ERCC3: variants seen among roughly 807,000 people sequenced by gnomAD.
ERCC3 encodes general transcription and DNA repair factor IIH helicase/translocase subunit XPB.
ERCC3 carries 66 observed loss-of-function variants against 94.2 expected under a neutral mutation model. That is an observed-to-expected ratio of 0.70 (90% confidence interval 0.57 to 0.86). ERCC3 has a LOEUF of 0.86. Among genes scored for constraint, ERCC3 ranks in the 40% least tolerant of loss-of-function variants. The probability of loss-of-function intolerance (pLI) is 0.00; values close to 1 mark genes in which losing one functional copy is unlikely to be tolerated. For synonymous variants in ERCC3, 349 were observed against 369.1 expected (o/e 0.95, Z 0.63); for missense variants, 829 against 987.1 (o/e 0.84, Z 2.15).
At chr2:127,272,488 G>C (rs1338854613) in intron 11 of ERCC3, among the ~76,000 whole-genome samples, 1 of 152,104 alleles carries the variant, frequency 6.6e-6, no homozygotes, top group East Asian at 1.9e-4. Flanking sequence ...CCAGGAACCA[G>C]GACAAAGGCT....
intron 10 of ERCC3, among the ~76,000 whole-genome samples, chr2:127,278,323 A>T (rs1210525158): frequency 6.6e-6 from 1 of 152,190 alleles, no homozygotes; most frequent in Non-Finnish European, 1.5e-5. Context: ...TCTTCAAGGA[A>T]TAGAATTGTG....
chr2:127,294,134 G>A lies in ERCC3; in HGVS notation c.-53C>T, dbSNP rs1685385993. The A allele has an allele frequency of 1.9e-6, 3 of 1,591,220 alleles. No individual in the cohort carries two copies. The highest frequency in any genetic ancestry group is 1.7e-5 in the Admixed American group (1 of 58,986). Reference sequence around the variant, plus strand: ...ACCCCGCTCCCACAGGCCCGCCGCGGCATCCGCTCTGGGGGGACTTCCGGC... The same window carrying A: ...ACCCCGCTCCCACAGGCCCGCCGCGACATCCGCTCTGGGGGGACTTCCGGC... On this transcript the variant is annotated 5_prime_UTR_variant, in exon 1 of 15. Coordinates refer to ENST00000285398, the MANE Select transcript of ERCC3 (RefSeq NM_000122.2).
chr2:127,293,868 A>G, intron 1 of ERCC3, 150 bp from the exon 2 acceptor site: 2 of 1,545,606 alleles, frequency 1.3e-6, no homozygotes, highest in Middle Eastern at 2.1e-4. Context: ...CGTCTCCCCT[A>G]GGCCGAGTTC....
chr2:127,265,800 CTGATT>C, intron 12 of ERCC3, among the ~76,000 whole-genome samples: 1 of 152,220 alleles, frequency 6.6e-6, no homozygotes, highest in East Asian at 1.9e-4. Context: ...TAGTTCTGCT[CTGATT>C]TTAGTTATTT....
chr2:127,261,368 G>A (rs371969663), intron 12 of ERCC3, 22 bp from the exon 13 acceptor site: 198 of 1,411,470 alleles, frequency 1.4e-4, no homozygotes, highest in Middle Eastern at 3.5e-4. Context: ...AATGAGAAAC[G>A]GCAATAAAGA....
At position 127,257,795 on chromosome 2, in the gene ERCC3, T is replaced by A. The variant is rs1684065352; in HGVS notation, c.2218-68A>T. ...AAAGATACTCCTTTTATAATACTTA[T>A]AATCACAGCAAATTTTATAAGACTT... On this transcript the variant is annotated intron_variant, in intron 14 of 14. Coordinates refer to ENST00000285398, the MANE Select transcript of ERCC3 (RefSeq NM_000122.2). The surrounding 1 kb of genome is among the most constrained non-coding windows in gnomAD (Gnocchi z 5.4). 6.5e-7 allele frequency: 1 copy of A among 1,536,700 alleles called. No individual in the cohort carries two copies. Among genetic ancestry groups the A allele is most frequent in the South Asian group, 1.1e-5 (1 of 89,046 alleles).
chr2:127,275,071 T>G (rs961712819), intron 10 of ERCC3, among the ~76,000 whole-genome samples: 2 of 152,192 alleles, frequency 1.3e-5, no homozygotes, highest in African/African-American at 4.8e-5. Flanking sequence ...CATATAACCC[T>G]AAGCCTCTCT....
intron 10 of ERCC3, among the ~76,000 whole-genome samples, chr2:127,275,250 G>C (rs1684696917): frequency 6.6e-6 from 1 of 151,954 alleles, no homozygotes; most frequent in Non-Finnish European, 1.5e-5. Context: ...AGCTGGACTT[G>C]AACTCCTGGG....
rs1388629095 is a variant in ERCC3 at position 127,284,700 on chromosome 2, G to C, written c.1342+2003C>G. ...CTGTTCATCTTTATTTTTTTTTTTT[G>C]AGACAGAGTCTCACACTCTGTCACC... On this transcript the variant is annotated intron_variant, in intron 8 of 14. Coordinates refer to ENST00000285398, the MANE Select transcript of ERCC3 (RefSeq NM_000122.2). The surrounding 1 kb of genome is among the most constrained non-coding windows in gnomAD (Gnocchi z 4.1). 9.1e-6 allele frequency among the ~76,000 whole-genome samples: 1 copy of C among 109,416 alleles called. No individual in the cohort carries two copies. The highest frequency in any genetic ancestry group is 1.9e-5 in the Non-Finnish European group (1 of 52,748). The allele number at this position is 109,416 out of a possible 152,430, so 71.8% of individuals were successfully genotyped here.
At chr2:127,261,658 G>A (rs1000962059) in intron 12 of ERCC3, 7 of 379,976 alleles carry the variant, frequency 1.8e-5, no homozygotes, top group African/African-American at 1.5e-4. Context: ...ATAAATGAGA[G>A]AAGAATATGA....
At position 127,279,265 on chromosome 2, in the gene ERCC3, A is replaced by C. The variant is rs1421835809; in HGVS notation, c.1638T>G (p.Phe546Leu). Residue 546 changes from phenylalanine to leucine, a missense_variant, in exon 10 of 15, where the codon TTT becomes TTG. By Grantham distance (22) the Phe-to-Leu change is conservative (BLOSUM62 0). Transcript: ENST00000285398. This position sits in a 1 kb window ranked among gnomAD's most constrained non-coding sequence, Gnocchi z 4.7. Reference sequence around the variant, plus strand: ...TCCTCCTTTCATGAAACTTGATCAGAAACTGGCAAGCTCTAAATTTGTTGG... The same window carrying C: ...TCCTCCTTTCATGAAACTTGATCAGCAACTGGCAAGCTCTAAATTTGTTGG... The part of the protein sequence containing the change: ...MNPNKFRACQ[F>L]LIKFHERRND... The C allele has an allele frequency of 1.2e-6, 2 of 1,613,954 alleles. No homozygotes were observed. The highest frequency in any genetic ancestry group is 8.5e-7 in the Non-Finnish European group (1 of 1,179,796).
intron 13 of ERCC3, chr2:127,260,975 G>C (rs1684172673): frequency 2.0e-6 from 1 of 495,138 alleles, no homozygotes; most frequent in African/African-American, 1.9e-5. Context: ...CCCTGAGAAA[G>C]CAGCCCTGCG....
rs1363044749 is a variant in ERCC3 at position 127,274,807 on chromosome 2, A to G, written c.1731-1846T>C. On this transcript the variant is annotated intron_variant, in intron 10 of 14. Transcript: ENST00000285398. The surrounding 1 kb of genome is among the most constrained non-coding windows in gnomAD (Gnocchi z 4.0). ...GCACAGTGGGGAGCCCTCAGTTTCT[A>G]AAGGTTCCCCCACACAGATGAAATA... Among the ~76,000 whole-genome samples the G allele has an allele frequency of 1.3e-5, 2 of 152,146 alleles. No homozygotes were observed. Among genetic ancestry groups the G allele is most frequent in the African/African-American group, 4.8e-5 (2 of 41,436 alleles).
In ERCC3 at chr2:127,289,788, C is replaced by A. The variant is rs1183082780; in HGVS notation, c.558G>T (p.Gln186His). 1 of 1,614,074 alleles carries A rather than the reference C, an allele frequency of 6.2e-7. No individual in the cohort carries two copies. Among genetic ancestry groups the A allele is most frequent in the African/African-American group, 1.3e-5 (1 of 74,982 alleles). Reference sequence around the variant, plus strand: ...GGATCACGGGGTCCTGGAGAAGATGCTGGATTACATCAGGGTGGCAACTTT... The same window carrying A: ...GGATCACGGGGTCCTGGAGAAGATGATGGATTACATCAGGGTGGCAACTTT... Reference protein sequence around the residue: ...FVESCHPDVIQHLLQDPVIRE... With the variant: ...FVESCHPDVIHHLLQDPVIRE... Residue 186 changes from glutamine to histidine, a missense_variant, in exon 5 of 15, where the codon CAG (glutamine) becomes CAT (histidine). Physicochemically the swap from Gln to His is conservative, Grantham distance 24 (BLOSUM62 0). Transcript: ENST00000285398.
intron 3 of ERCC3, chr2:127,290,626 G>A: frequency 2.8e-6 from 1 of 352,266 alleles, no homozygotes; most frequent in Non-Finnish European, 5.4e-6. Flanking sequence ...TATGTGCACA[G>A]TAATTGCGGC....
chr2:127,293,965 G>A (rs1309940397), intron 1 of ERCC3, 89 bp downstream of exon 1: 1 of 1,556,778 alleles, frequency 6.4e-7, no homozygotes, highest in Admixed American at 1.9e-5. Context: ...GGGTCGGCCG[G>A]CGCAGAGGCC....
intron 12 of ERCC3, among the ~76,000 whole-genome samples, chr2:127,265,707 G>A (rs1388843948): frequency 6.6e-6 from 1 of 152,220 alleles, no homozygotes; most frequent in African/African-American, 2.4e-5. Context: ...ATGAGCCACT[G>A]CGACTGGCCT....
At position 127,294,009 on chromosome 2, in the gene ERCC3, C is replaced by A. The variant is rs556532369; in HGVS notation, c.28+45G>T. The stretch of plus-strand genomic sequence containing the variant: ...CTCCGAGGCAGAGCGGGGGGCAGGG[C>A]CGGCAAGGGCAGTCGTGGCTGAGCG... On this transcript the variant is annotated intron_variant, in intron 1 of 14. Transcript: ENST00000285398. The A allele has an allele frequency of 4.4e-5, 70 of 1,598,008 alleles. 1 individual carries two copies. In the Admixed American group the frequency reaches 1.2e-3, roughly 27 times the overall value.
Position 127,284,145 on chromosome 2 carries a change from TC to T in ERCC3, c.1342+2557del, listed in dbSNP as rs1202076647. On this transcript the variant is annotated intron_variant, in intron 8 of 14. Coordinates refer to ENST00000285398, the MANE Select transcript of ERCC3 (RefSeq NM_000122.2). The surrounding 1 kb of genome is among the most constrained non-coding windows in gnomAD (Gnocchi z 4.1). ...TATCCAGAGTCGGATCACGCCTTCA[TC>T]CTTACTGGGATTCCACAAACTCACC... The T allele has an allele frequency of 6.6e-6, 1 of 152,294 alleles. No homozygotes were observed. Among genetic ancestry groups the T allele is most frequent in the Non-Finnish European group, 1.5e-5 (1 of 68,086 alleles). 9.4% of individuals were successfully genotyped at this position (152,294 alleles called of 1,614,324 possible). A position where few individuals can be genotyped will look rare whatever the true frequency, so the allele number is the denominator to read the frequency against.
Sources: gnomAD v4.1 joint callset for allele counts (sites outside exome capture counted in the v4.1 genomes callset) on GRCh38, gnomAD v4.1.1 for gene constraint, Gnocchi (gnomAD v3.1) non-coding constraint, MANE v1.5 for transcripts, NCBI Gene and HGNC (gene_info 2026-07-23, HGNC 2026-07-21) for gene names.